The following DCAF6 variants were observed in gnomAD, a reference collection of about 807,000 sequenced individuals.
DCAF6 encodes DDB1 and CUL4 associated factor 6, also known as DDB1- and CUL4-associated factor 6.
In DCAF6, 54 loss-of-function variants were observed where a neutral mutation model predicts 125.1. The ratio of observed to expected loss-of-function variants is 0.43; its 90% CI spans 0.35 to 0.54. The LOEUF (loss-of-function observed/expected upper bound fraction) is 0.54. Among genes scored for constraint, DCAF6 ranks in the 20% least tolerant of loss-of-function variants. The pLI is 0.01. For missense variants in DCAF6, 934 were observed against 1,161.7 expected (o/e 0.80, Z 2.85); for synonymous variants, 371 against 390.4 (o/e 0.95, Z 0.58).
upstream of DCAF6, among the ~76,000 whole-genome samples, chr1:167,934,252 G>A (rs920701841): frequency 2.6e-5 from 4 of 152,092 alleles, no homozygotes; most frequent in Admixed American, 2.0e-4. Flanking sequence ...CTCCAATTTT[G>A]TATTATTTTA....
chr1:167,933,841 G>T (rs10489202), upstream of DCAF6, among the ~76,000 whole-genome samples: 30,855 of 152,140 alleles, frequency 0.2, 3,827 homozygotes, highest in Admixed American at 0.36. Context: ...TCCTTACTCT[G>T]TATGTTGCTC....
chr1:167,882,793 C>T, the DCAF6 span, among the ~76,000 whole-genome samples: 2 of 152,158 alleles, frequency 1.3e-5, no homozygotes, highest in Non-Finnish European at 2.9e-5. Flanking sequence ...CAGCCTCCCC[C>T]TTACTAGCTT....
intron 12 of DCAF6, among the ~76,000 whole-genome samples, chr1:168,027,208 A>G (rs1269737303): frequency 6.6e-6 from 1 of 152,038 alleles, no homozygotes; most frequent in Admixed American, 6.6e-5. Flanking sequence ...GGTTTGGGGG[A>G]AAAAGGTAGA....
the DCAF6 span, chr1:167,883,707 G>A: frequency 5.2e-4 from 688 of 1,333,702 alleles, no homozygotes; most frequent in African/African-American, 8.3e-3. Flanking sequence ...CCTCATACCC[G>A]AAATCATCTA....
intron 12 of DCAF6, among the ~76,000 whole-genome samples, chr1:168,025,156 T>G (rs1359713496): frequency 1.3e-5 from 2 of 152,188 alleles, no homozygotes; most frequent in African/African-American, 2.4e-5. Context: ...TAGCCAGATT[T>G]ATATTCTAGT....
intron 4 of DCAF6, among the ~76,000 whole-genome samples, chr1:167,984,729 T>A (rs548064254): frequency 7.9e-5 from 12 of 152,366 alleles, no homozygotes; most frequent in African/African-American, 2.9e-4. Flanking sequence ...ATATACTTTT[T>A]ATATATTTTT....
chr1:168,070,557 C>A, intron 21 of DCAF6, among the ~76,000 whole-genome samples: 1 of 152,296 alleles, frequency 6.6e-6, no homozygotes, highest in South Asian at 2.1e-4. Flanking sequence ...TTAAAATCAT[C>A]TGTAGGGGTT....
intron 6 of DCAF6, among the ~76,000 whole-genome samples, chr1:167,992,580 C>T (rs1176980671): frequency 6.6e-6 from 1 of 152,166 alleles, no homozygotes; most frequent in South Asian, 2.1e-4. Flanking sequence ...ACACAATTGA[C>T]ATTTTGAGCA....
At chr1:168,070,156 C>G (rs558759689) in intron 21 of DCAF6, among the ~76,000 whole-genome samples, 1 of 152,146 alleles carries the variant, frequency 6.6e-6, no homozygotes, top group African/African-American at 2.4e-5. Context: ...TATAAAAATT[C>G]TCTTTCATTT....
Position 168,055,331 on chromosome 1 carries a change from GTTTTTTTTT to G in DCAF6, c.2300+4419_2300+4427del, listed in dbSNP as rs554861802. On this transcript the variant is annotated intron_variant, in intron 17 of 21. Transcript: ENST00000367840. ...TTGAATTGAAAAAAATCAGGCTTAA[GTTTTTTTTT>G]TTTTTTTTTTTTTTTTTTTTAACGA... Among the ~76,000 whole-genome samples the G allele has an allele frequency of 3.5e-4, 11 of 31,628 alleles. 3 individuals are homozygous for G. The highest frequency in any genetic ancestry group is 4.7e-4 in the Non-Finnish European group (9 of 19,252). 20.7% of individuals were successfully genotyped at this position (31,628 alleles called of 152,430 possible).
intron 4 of DCAF6, among the ~76,000 whole-genome samples, chr1:167,987,176 A>C (rs1373412017): frequency 6.6e-6 from 1 of 152,182 alleles, no homozygotes; most frequent in African/African-American, 2.4e-5. Flanking sequence ...TAAGCTTTGA[A>C]TAGTTTGAAC....
Position 168,050,912 on chromosome 1 carries a change from C to T in DCAF6, c.2279C>T (p.Thr760Ile). The T allele has an allele frequency of 7.2e-7, 1 of 1,381,818 alleles. No homozygotes were observed. 85.6% of individuals were successfully genotyped at this position (1,381,818 alleles called of 1,614,324 possible). The change falls in exon 17 of 22, where the codon ACA becomes ATA. Residue 760 changes from threonine (T) to isoleucine (I), a missense_variant. This residue lies in a region of DCAF6 where 559 missense variants were observed against 635.5 expected (regional missense o/e 0.88). Transcript: ENST00000367840. ...PGDRFNIRGTTIGDRIMRRSA... is the reference protein window; with the variant it reads ...PGDRFNIRGTIIGDRIMRRSA... ...ACTAGATTTAATATCAGAGGAACAACAATAGGTGATAGAATAATGAGGTAA... is the reference window on the plus strand; with the variant it reads ...ACTAGATTTAATATCAGAGGAACAATAATAGGTGATAGAATAATGAGGTAA...
chr1:167,935,425 C>G (rs1048750429), upstream of DCAF6, among the ~76,000 whole-genome samples: 1 of 152,190 alleles, frequency 6.6e-6, no homozygotes, highest in Non-Finnish European at 1.5e-5. Context: ...TGGCCCCAGA[C>G]AGTTTGGTGG....
chr1:167,970,651 C>T (rs940117561), intron 3 of DCAF6, among the ~76,000 whole-genome samples: 2 of 151,960 alleles, frequency 1.3e-5, no homozygotes, highest in African/African-American at 4.8e-5. Flanking sequence ...TATCATAAGC[C>T]TTTATAGGGC....
At chr1:168,046,466 T>G (rs973887798) in intron 16 of DCAF6, among the ~76,000 whole-genome samples, 1 of 152,150 alleles carries the variant, frequency 6.6e-6, no homozygotes, top group Non-Finnish European at 1.5e-5. Flanking sequence ...TATGAAAGGG[T>G]ATGTTTCTTT....
At chr1:167,896,454 A>AGTAG in the DCAF6 span, 2,653 of 755,888 alleles carry the variant, frequency 3.5e-3, 52 homozygotes, top group African/African-American at 0.041. Flanking sequence ...GAGAATGGGA[A>AGTAG]GTAGGTCCCC....
At chr1:168,004,946 AAATT>A (rs1235635982) in intron 10 of DCAF6, among the ~76,000 whole-genome samples, 153 bp downstream of exon 10, 4 of 152,330 alleles carry the variant, frequency 2.6e-5, no homozygotes, top group South Asian at 2.1e-4. Context: ...TTAAACACAA[AAATT>A]AATTATGTCT....
intron 5 of DCAF6, among the ~76,000 whole-genome samples, chr1:167,990,973 G>C (rs1362864329): frequency 1.3e-5 from 2 of 152,136 alleles, no homozygotes; most frequent in African/African-American, 2.4e-5. Context: ...AATATTGATT[G>C]AGTATATTTA....
chr1:167,981,091 G>C (rs551829926), intron 4 of DCAF6, among the ~76,000 whole-genome samples: 2 of 151,892 alleles, frequency 1.3e-5, no homozygotes, highest in Admixed American at 6.6e-5. Context: ...TATTTTAGTA[G>C]AGATGGGGTT....
Sources: allele counts gnomAD v4.1 joint callset (sites outside exome capture counted in the v4.1 genomes callset), GRCh38; gene constraint gnomAD v4.1.1; regional missense constraint gnomAD v4.1.1; transcripts MANE v1.5; gene names NCBI Gene and HGNC (gene_info 2026-07-23, HGNC 2026-07-21).